Variants in VLDLR observed in about 807,000 individuals in gnomAD.
VLDLR encodes the protein very low density lipoprotein receptor.
A neutral mutation model predicts 112.7 loss-of-function variants in VLDLR; 81 were observed. The ratio of observed to expected loss-of-function variants is 0.72; its 90% CI spans 0.60 to 0.86. The LOEUF (loss-of-function observed/expected upper bound fraction) is 0.86. Ranked by LOEUF, VLDLR falls within the 40% of genes least tolerant of loss-of-function variation. The pLI, the probability that VLDLR is intolerant of heterozygous loss-of-function variation, is 0.00. For missense variants in VLDLR, 1,237 were observed against 1,099.4 expected (o/e 1.13, Z -1.77); for synonymous variants, 436 against 384.8 (o/e 1.13, Z -1.56).
chr9:2,648,804 C>T lies in VLDLR; in HGVS notation c.2098C>T (p.Pro700Ser), dbSNP rs1477001816. Residue 700 changes from proline (P) to serine (S), a missense_variant, in exon 14 of 19, where the codon CCA becomes TCA. Pro to Ser is a moderately conservative substitution (Grantham distance 74). Coordinates refer to ENST00000382100, the MANE Select transcript of VLDLR (RefSeq NM_003383.5). ...DIIVYHELVQPSGKNWCEEDM... is the reference protein window; with the variant it reads ...DIIVYHELVQSSGKNWCEEDM... ...CATTGTCTATCATGAACTTGTACAG[C>T]CATCAGGTACCGTGGAGAAGCACAG... 1.2e-6 allele frequency: 2 copies of T among 1,614,146 alleles called. No individual in the cohort carries two copies. Among genetic ancestry groups the T allele is most frequent in the East Asian group, 2.2e-5 (1 of 44,874 alleles).
Position 2,643,763 on chromosome 9 carries a change from T to C in VLDLR, c.943+13T>C. ...AACTGCAAAAATGGTAAGGGTTTCT[T>C]CTTGTTGGTTAAGCAATGGATTGCT... On this transcript the variant is annotated intron_variant, in intron 6 of 18. Coordinates refer to ENST00000382100, the MANE Select transcript of VLDLR (RefSeq NM_003383.5). 6.2e-7 allele frequency: 1 copy of C among 1,614,232 alleles called. No individual in the cohort carries two copies.
Position 2,657,433 on chromosome 9 carries a change from T to C in VLDLR, c.*3565T>C, listed in dbSNP as rs908353487. ...CATAATTGTTTTATCCTGAACGTAG[T>C]TGTGACATAGACATTTCTCAAAAGG... On this transcript the variant is annotated 3_prime_UTR_variant, in exon 19 of 19. Transcript: ENST00000382100. 4 of 152,206 alleles carry C rather than the reference T, an allele frequency of 2.6e-5. No homozygotes were observed. Among genetic ancestry groups the C allele is most frequent in the African/African-American group, 9.7e-5 (4 of 41,450 alleles). 9.4% of individuals were successfully genotyped at this position (152,206 alleles called of 1,614,324 possible).
chr9:2,627,904 G>C (rs1191674017), intron 1 of VLDLR, among the ~76,000 whole-genome samples: 2 of 151,412 alleles, frequency 1.3e-5, no homozygotes, highest in Admixed American at 1.3e-4. Context: ...ATGAGGTGAA[G>C]GTACCCTCAT....
chr9:2,629,447 A>G (rs1419780243), intron 1 of VLDLR, among the ~76,000 whole-genome samples: 6 of 152,240 alleles, frequency 3.9e-5, no homozygotes, highest in African/African-American at 2.4e-5. Flanking sequence ...CACAGTATCT[A>G]GAGCCAGTGC....
chr9:2,622,183 G>A lies in VLDLR; in HGVS notation c.-7G>A, dbSNP rs914315265. 1 of 1,493,832 alleles carries A rather than the reference G, an allele frequency of 6.7e-7. No individual in the cohort carries two copies. Among genetic ancestry groups the A allele is most frequent in the Non-Finnish European group, 8.9e-7 (1 of 1,127,588 alleles). 92.5% of individuals were successfully genotyped at this position (1,493,832 alleles called of 1,614,324 possible). A position where few individuals can be genotyped will look rare whatever the true frequency, so the allele number is the denominator to read the frequency against. On this transcript the variant is annotated 5_prime_UTR_variant, in exon 1 of 19. Transcript: ENST00000382100. ...GCGGCGGCGGCGGCACCATCCAGGCGGGCACCATGGGCACGTCCGCGCTCT... is the reference window on the plus strand; with the variant it reads ...GCGGCGGCGGCGGCACCATCCAGGCAGGCACCATGGGCACGTCCGCGCTCT...
rs113200900 is a variant in VLDLR, at chr9:2,621,813, C to T, written c.-377C>T. On this transcript the variant is annotated 5_prime_UTR_variant, in exon 1 of 19. Transcript: ENST00000382100. Reference sequence around the variant, plus strand: ...CCCCGCTCTCCGGCCGCCGCCGGTGCGGGTGCTCCGCTACCGGCTCCTCTC... The same window carrying T: ...CCCCGCTCTCCGGCCGCCGCCGGTGTGGGTGCTCCGCTACCGGCTCCTCTC... 5 of 483,340 alleles carry T rather than the reference C, an allele frequency of 1.0e-5. No homozygotes were observed. Among genetic ancestry groups the T allele is most frequent in the Admixed American group, 4.9e-5 (2 of 40,910 alleles). The allele number at this position is 483,340 out of a possible 1,614,324, so 29.9% of individuals were successfully genotyped here.
rs375078392 is a variant in VLDLR at position 2,653,485 on chromosome 9, A to G, written c.2587-348A>G. 1.2e-4 allele frequency among the ~76,000 whole-genome samples: 18 copies of G among 152,328 alleles called. No individual in the cohort carries two copies. The East Asian group carries it at 1.3e-3, about 11-fold the overall frequency. On this transcript the variant is annotated intron_variant, in intron 18 of 18. Coordinates refer to ENST00000382100, the MANE Select transcript of VLDLR (RefSeq NM_003383.5). ...GGCCTTCACGTAGGAAACAGGCTGA[A>G]CAAAACAAGTATTGATCACTCCCCT... is the stretch of plus-strand genomic sequence containing the variant.
At chr9:2,645,495 C>G (rs767407024) in intron 9 of VLDLR, 79 bp from the exon 10 acceptor site, 1 of 1,531,828 alleles carries the variant, frequency 6.5e-7, no homozygotes, top group African/African-American at 1.4e-5. Context: ...TCTAAGTGCT[C>G]CTCTGCTGGG....
chr9:2,633,816 A>C (rs969240702), intron 1 of VLDLR, among the ~76,000 whole-genome samples: 1 of 152,172 alleles, frequency 6.6e-6, no homozygotes, highest in Admixed American at 6.5e-5. Flanking sequence ...CAGCATTGAG[A>C]ATATTGCAAA....
Position 2,643,932 on chromosome 9 carries a change from T to C in VLDLR, c.1039T>C (p.Trp347Arg). 6.2e-7 allele frequency: 1 copy of C among 1,614,118 alleles called. No homozygotes were observed. Among genetic ancestry groups the C allele is most frequent in the East Asian group, 2.2e-5 (1 of 44,860 alleles). ...VCNQEQDCRD[W>R]SDEPLKECHI... ...TAACCAGGAGCAGGACTGCAGGGACTGGAGTGATGAGCCCCTGAAAGAGTG... is the reference window on the plus strand; with the variant it reads ...TAACCAGGAGCAGGACTGCAGGGACCGGAGTGATGAGCCCCTGAAAGAGTG... Residue 347 changes from tryptophan (W) to arginine (R), a missense_variant, in exon 7 of 19, where the codon TGG becomes CGG. Coordinates refer to ENST00000382100, the MANE Select transcript of VLDLR (RefSeq NM_003383.5).
intron 1 of VLDLR, among the ~76,000 whole-genome samples, chr9:2,632,096 C>T (rs758875111): frequency 1.3e-5 from 2 of 152,164 alleles, no homozygotes; most frequent in East Asian, 1.9e-4. Context: ...TAGGTACAAG[C>T]GACTTCCAAC....
rs73640156 is a variant in VLDLR at position 2,653,684 on chromosome 9, A to C, written c.2587-149A>C. 1,214 of 812,152 alleles carry C rather than the reference A, an allele frequency of 1.5e-3. 3 individuals are homozygous for C. Among genetic ancestry groups the C allele is most frequent in the African/African-American group, 0.012 (722 of 59,792 alleles). 50.3% of individuals were successfully genotyped at this position (812,152 alleles called of 1,614,324 possible). A position where few individuals can be genotyped will look rare whatever the true frequency, so the allele number is the denominator to read the frequency against. ...TCAAGTTAAATGCATGAATGATACA[A>C]CTCAGTATTCTTTTGTATCTGACTG... On this transcript the variant is annotated intron_variant, in intron 18 of 18. Transcript: ENST00000382100.
Position 2,622,053 on chromosome 9 carries a change from G to T in VLDLR, c.-137G>T. ...CTCTTCTTCCCCGCTCCCTTCCCCC[G>T]CCAACTCCTTCCCCTCCTTCTCCCC... On this transcript the variant is annotated 5_prime_UTR_variant, in exon 1 of 19. Coordinates refer to ENST00000382100, the MANE Select transcript of VLDLR (RefSeq NM_003383.5). 1 of 731,470 alleles carries T rather than the reference G, an allele frequency of 1.4e-6. No homozygotes were observed. The allele number at this position is 731,470 out of a possible 1,614,324, so 45.3% of individuals were successfully genotyped here.
At chr9:2,633,295 C>A (rs35043989) in intron 1 of VLDLR, among the ~76,000 whole-genome samples, 36,615 of 152,004 alleles carry the variant, frequency 0.24, 4,818 homozygotes, top group Non-Finnish European at 0.29. Context: ...GAATTTATTA[C>A]TGTTGATAGC....
At chr9:2,630,397 A>G (rs188363208) in intron 1 of VLDLR, among the ~76,000 whole-genome samples, 23 of 152,086 alleles carry the variant, frequency 1.5e-4, no homozygotes, top group Non-Finnish European at 2.8e-4. Context: ...TCCAGCAAGT[A>G]ACACCCATAT....
chr9:2,635,813 C>T (rs889746752), intron 2 of VLDLR, among the ~76,000 whole-genome samples: 12 of 151,966 alleles, frequency 7.9e-5, no homozygotes, highest in African/African-American at 2.4e-4. Context: ...ATCAGACAAA[C>T]GTGGAATAGG....
rs200878136 is a variant in VLDLR at position 2,651,967 on chromosome 9, C to T, written c.2416+13C>T. 1.4e-4 allele frequency: 224 copies of T among 1,613,582 alleles called. 3 individuals are homozygous for T. The highest frequency in any genetic ancestry group is 1.0e-3 in the South Asian group (92 of 91,060). Reference sequence around the variant, plus strand: ...ATTCTTCCTCTCTGTAAGTAGATTTCCTACAAGTCTGGGTTCAAGAACTTC... The same window carrying T: ...ATTCTTCCTCTCTGTAAGTAGATTTTCTACAAGTCTGGGTTCAAGAACTTC... On this transcript the variant is annotated intron_variant, in intron 17 of 18. Coordinates refer to ENST00000382100, the MANE Select transcript of VLDLR (RefSeq NM_003383.5).
At position 2,639,907 on chromosome 9, in the gene VLDLR, G is replaced by A. The variant is rs1411897946; in HGVS notation, c.251G>A (p.Cys84Tyr). The change falls in exon 3 of 19, where the codon TGT becomes TAT. Residue 84 changes from cysteine (C) to tyrosine (Y), a missense_variant. Coordinates refer to ENST00000382100, the MANE Select transcript of VLDLR (RefSeq NM_003383.5). ...ESDFVCNNGQ[C>Y]VPSRWKCDGD... is the part of the protein sequence containing the mutation. Reference sequence around the variant, plus strand: ...GACTTCGTGTGCAACAATGGCCAGTGTGTTCCCAGCCGATGGAAGTGTGAT... The same window carrying A: ...GACTTCGTGTGCAACAATGGCCAGTATGTTCCCAGCCGATGGAAGTGTGAT... The A allele has an allele frequency of 6.2e-7, 1 of 1,614,092 alleles. No individual in the cohort carries two copies. The highest frequency in any genetic ancestry group is 1.3e-5 in the African/African-American group (1 of 74,924).
chr9:2,632,066 T>C lies in VLDLR; in HGVS notation c.83-3387T>C, dbSNP rs73640145. On this transcript the variant is annotated intron_variant, in intron 1 of 18. Coordinates refer to ENST00000382100, the MANE Select transcript of VLDLR (RefSeq NM_003383.5). ...TCCAGGAATTCATTCATTACAAATTTAAATAGGCACATAAGTGAGTAGGTA... is the reference window on the plus strand; with the variant it reads ...TCCAGGAATTCATTCATTACAAATTCAAATAGGCACATAAGTGAGTAGGTA... 5.5e-3 allele frequency among the ~76,000 whole-genome samples: 841 copies of C among 152,296 alleles called. 8 individuals are homozygous for C. Among genetic ancestry groups the C allele is most frequent in the Middle Eastern group, 0.024 (7 of 294 alleles).
Sources: gnomAD v4.1 joint callset for allele counts (sites outside exome capture counted in the v4.1 genomes callset) on GRCh38, gnomAD v4.1.1 for gene constraint, MANE v1.5 for transcripts, NCBI Gene and HGNC (gene_info 2026-07-23, HGNC 2026-07-21) for gene names.